The following MAVS variants were observed in gnomAD, a reference collection of about 807,000 sequenced individuals.
MAVS encodes mitochondrial antiviral-signaling protein.
Under a neutral mutation model 30.2 loss-of-function variants are expected in MAVS, and 20 were observed. The ratio of observed to expected loss-of-function variants is 0.66; its 90% CI spans 0.47 to 0.96. The LOEUF (loss-of-function observed/expected upper bound fraction) is 0.96. Among genes scored for constraint, MAVS ranks in the 40% least tolerant of loss-of-function variants. MAVS has a pLI of 0.00. For missense variants in MAVS, 624 were observed against 701.1 expected (o/e 0.89, Z 1.24); for synonymous variants, 278 against 293.9 (o/e 0.95, Z 0.55).
chr20:3,848,621 G>C (rs1032069200), intron 1 of MAVS, among the ~76,000 whole-genome samples: 8 of 152,164 alleles, frequency 5.3e-5, no homozygotes, highest in Non-Finnish European at 1.0e-4. Context: ...TGGCCCAACA[G>C]CTTTTAGGTG....
chr20:3,850,861 T>G (rs1326551627), intron 1 of MAVS, among the ~76,000 whole-genome samples: 1 of 143,650 alleles, frequency 7.0e-6, no homozygotes, highest in Non-Finnish European at 1.5e-5. Context: ...ACTCCAGCTT[T>G]GGTGACAGAG....
chr20:3,865,617 ACCGCC>A lies in MAVS; in HGVS notation c.1159-64_1159-60del. 1 of 1,428,350 alleles carries A rather than the reference ACCGCC, an allele frequency of 7.0e-7. No individual in the cohort carries two copies. The highest frequency in any genetic ancestry group is 9.4e-7 in the Non-Finnish European group (1 of 1,063,058). The allele number at this position is 1,428,350 out of a possible 1,614,324, so 88.5% of individuals were successfully genotyped here. A position where few individuals can be genotyped will look rare whatever the true frequency, so the allele number is the denominator to read the frequency against. On this transcript the variant is annotated intron_variant, in intron 6 of 6. Transcript: ENST00000428216. The surrounding 1 kb of genome is among the most constrained non-coding windows in gnomAD (Gnocchi z 4.7). ...GTTCATGCCCTGGCCTGGGAATGGG[ACCGCC>A]CTACCAGGTTCGTCTCCCTGCCAAC...
chr20:3,848,986 C>T (rs987888549), intron 1 of MAVS, among the ~76,000 whole-genome samples: 1 of 152,176 alleles, frequency 6.6e-6, no homozygotes, highest in African/African-American at 2.4e-5. Flanking sequence ...GGCCTCCTTA[C>T]TGGTCTCCCA....
intron 5 of MAVS, 33 bp from the exon 6 acceptor site, chr20:3,864,223 T>A (rs1168188216): frequency 6.3e-7 from 1 of 1,576,206 alleles, no homozygotes; most frequent in Admixed American, 1.8e-5. Context: ...GGTCTTTGGG[T>A]CTGTGTTTCC....
At position 3,875,857 on chromosome 20, in the gene MAVS, T is replaced by A. The variant is rs867335; in HGVS notation, c.*9710T>A. 10,334 of 152,476 alleles carry A rather than the reference T, an allele frequency of 0.068. 524 individuals carry two copies. Among genetic ancestry groups the A allele is most frequent in the East Asian group, 0.22 (1,182 of 5,320 alleles). 9.4% of individuals were successfully genotyped at this position (152,476 alleles called of 1,614,324 possible). On this transcript the variant is annotated 3_prime_UTR_variant, in exon 7 of 7. Transcript: ENST00000428216. Reference sequence around the variant, plus strand: ...TCCCACACCATCTGAATCACTGATTTCCTCGCAATCAGACGCTATCTTCCA... The same window carrying A: ...TCCCACACCATCTGAATCACTGATTACCTCGCAATCAGACGCTATCTTCCA...
rs1027030189 is a variant in MAVS at position 3,866,946 on chromosome 20, T to C, written c.*799T>C. ...CCTCACTTCCGGGGCTGTGTGGCTT[T>C]GGCAGATGTCAGACTTCTGGTCTTG... On this transcript the variant is annotated 3_prime_UTR_variant, in exon 7 of 7. Transcript: ENST00000428216. The C allele has an allele frequency of 8.8e-6, 4 of 456,808 alleles. No homozygotes were observed. Among genetic ancestry groups the C allele is most frequent in the South Asian group, 4.6e-5 (3 of 64,582 alleles). The allele number at this position is 456,808 out of a possible 1,614,324, so 28.3% of individuals were successfully genotyped here.
chr20:3,864,516 T>C lies in MAVS; in HGVS notation c.886T>C (p.Ser296Pro). Residue 296 changes from serine (S) to proline (P), a missense_variant, in exon 6 of 7, where the codon TCC becomes CCC. Physicochemically the swap from Ser to Pro is moderately conservative, Grantham distance 74 (BLOSUM62 -1). Coordinates refer to ENST00000428216, the MANE Select transcript of MAVS (RefSeq NM_020746.5). Reference sequence around the variant, plus strand: ...AGAGGCACCTGCCAACTCTCTGCCCTCCAAAGTGCCTACCACCTTGATGCC... The same window carrying C: ...AGAGGCACCTGCCAACTCTCTGCCCCCCAAAGTGCCTACCACCTTGATGCC... ...GAEAPANSLP[S>P]KVPTTLMPVN... 3 of 1,614,090 alleles carry C rather than the reference T, an allele frequency of 1.9e-6. No individual in the cohort carries two copies. Among genetic ancestry groups the C allele is most frequent in the Non-Finnish European group, 2.5e-6 (3 of 1,180,022 alleles).
At position 3,870,624 on chromosome 20, in the gene MAVS, AC is replaced by A. The variant is rs2089946710; in HGVS notation, c.*4480del. 1 of 121,054 alleles carries A rather than the reference AC, an allele frequency of 8.3e-6. No individual in the cohort carries two copies. The highest frequency in any genetic ancestry group is 1.7e-5 in the Non-Finnish European group (1 of 59,726). 7.5% of individuals were successfully genotyped at this position (121,054 alleles called of 1,614,324 possible). On this transcript the variant is annotated 3_prime_UTR_variant, in exon 7 of 7. Transcript: ENST00000428216. ...AGACAAGCCTGGGCAACAAAGCAAG[AC>A]CCTATCTCTAAAAAAAAAAAAAAAA...
chr20:3,857,896 T>TTC lies in MAVS; in HGVS notation c.292+91_292+92dup, dbSNP rs775673112. On this transcript the variant is annotated intron_variant, in intron 3 of 6. Coordinates refer to ENST00000428216, the MANE Select transcript of MAVS (RefSeq NM_020746.5). ...TTCTCTCTCCCTGTACTTCCTGCCTTTCTCTGTCATCCTCTTTCTTGTCAC... is the reference window on the plus strand; with the variant it reads ...TTCTCTCTCCCTGTACTTCCTGCCTTTCTCTCTGTCATCCTCTTTCTTGTCAC... 2.5e-5 allele frequency: 35 copies of TTC among 1,403,186 alleles called. No individual in the cohort carries two copies. In the African/African-American group the frequency reaches 4.4e-4, roughly 18 times the overall value. The allele number at this position is 1,403,186 out of a possible 1,614,324, so 86.9% of individuals were successfully genotyped here. A position where few individuals can be genotyped will look rare whatever the true frequency, so the allele number is the denominator to read the frequency against.
chr20:3,847,085 C>G (rs1172128539), intron 1 of MAVS, among the ~76,000 whole-genome samples, 182 bp downstream of exon 1: 1 of 152,198 alleles, frequency 6.6e-6, no homozygotes, highest in Non-Finnish European at 1.5e-5. Flanking sequence ...GCAAGAGTTT[C>G]GGGAACACTG....
chr20:3,862,438 G>T (rs1289877050), intron 5 of MAVS, 25 bp downstream of exon 5: 12 of 1,600,578 alleles, frequency 7.5e-6, no homozygotes, highest in Non-Finnish European at 1.0e-5. Flanking sequence ...TGGAATTATA[G>T]GGTCCTTCTG....
At position 3,868,733 on chromosome 20, in the gene MAVS, T is replaced by G. The variant is rs1214698606; in HGVS notation, c.*2586T>G. The G allele has an allele frequency of 6.6e-6, 1 of 151,552 alleles. No homozygotes were observed. The highest frequency in any genetic ancestry group is 1.5e-5 in the Non-Finnish European group (1 of 67,964). The allele number at this position is 151,552 out of a possible 1,614,324, so 9.4% of individuals were successfully genotyped here. On this transcript the variant is annotated 3_prime_UTR_variant, in exon 7 of 7. Coordinates refer to ENST00000428216, the MANE Select transcript of MAVS (RefSeq NM_020746.5). Reference sequence around the variant, plus strand: ...CTAGGTAAAAAATACAAAAAGTAACTGGGCATGGCGGCGCCCATCTATAGT... The same window carrying G: ...CTAGGTAAAAAATACAAAAAGTAACGGGGCATGGCGGCGCCCATCTATAGT...
In MAVS at chr20:3,865,579, G is replaced by A; in HGVS notation, c.1159-104G>A. On this transcript the variant is annotated intron_variant, in intron 6 of 6. Coordinates refer to ENST00000428216, the MANE Select transcript of MAVS (RefSeq NM_020746.5). The surrounding 1 kb of genome is among the most constrained non-coding windows in gnomAD (Gnocchi z 4.7). The stretch of plus-strand genomic sequence containing the variant: ...GGGCATTATAGATTGGGAATTGAGG[G>A]GTTGGAGTGTTAGTTCATGCCCTGG... The A allele has an allele frequency of 9.4e-7, 1 of 1,058,548 alleles. No individual in the cohort carries two copies. The highest frequency in any genetic ancestry group is 1.3e-6 in the Non-Finnish European group (1 of 743,198). The allele number at this position is 1,058,548 out of a possible 1,614,324, so 65.6% of individuals were successfully genotyped here.
intron 1 of MAVS, among the ~76,000 whole-genome samples, chr20:3,853,485 C>CA (rs113226800): frequency 0.31 from 39,483 of 127,706 alleles, 5,854 homozygotes; most frequent in East Asian, 0.52. Context: ...GACTCCGTCT[C>CA]AAAAAAAAAA....
In MAVS at chr20:3,865,575, G is replaced by A. The variant is rs1600454923; in HGVS notation, c.1159-108G>A. 1 of 1,027,140 alleles carries A rather than the reference G, an allele frequency of 9.7e-7. No individual in the cohort carries two copies. The highest frequency in any genetic ancestry group is 2.6e-5 in the East Asian group (1 of 38,234). 63.6% of individuals were successfully genotyped at this position (1,027,140 alleles called of 1,614,324 possible). A position where few individuals can be genotyped will look rare whatever the true frequency, so the allele number is the denominator to read the frequency against. ...CTAGGGGCATTATAGATTGGGAATT[G>A]AGGGGTTGGAGTGTTAGTTCATGCC... is the stretch of plus-strand genomic sequence containing the variant. On this transcript the variant is annotated intron_variant, in intron 6 of 6. Coordinates refer to ENST00000428216, the MANE Select transcript of MAVS (RefSeq NM_020746.5). This position sits in a 1 kb window ranked among gnomAD's most constrained non-coding sequence, Gnocchi z 4.7.
rs1030240935 is a variant in MAVS, at chr20:3,869,061, A to G, written c.*2914A>G. On this transcript the variant is annotated 3_prime_UTR_variant, in exon 7 of 7. Coordinates refer to ENST00000428216, the MANE Select transcript of MAVS (RefSeq NM_020746.5). Reference sequence around the variant, plus strand: ...ACCCAGCCTGGAGCGAAGTGGTGCAATCATAACTCACTGTATCCTTAAACT... The same window carrying G: ...ACCCAGCCTGGAGCGAAGTGGTGCAGTCATAACTCACTGTATCCTTAAACT... 6.6e-6 allele frequency: 1 copy of G among 152,192 alleles called. No homozygotes were observed. The highest frequency in any genetic ancestry group is 2.1e-4 in the South Asian group (1 of 4,818). The allele number at this position is 152,192 out of a possible 1,614,324, so 9.4% of individuals were successfully genotyped here.
At chr20:3,852,705 A>AT (rs2089771656) in intron 1 of MAVS, among the ~76,000 whole-genome samples, 1 of 151,402 alleles carries the variant, frequency 6.6e-6, no homozygotes. Flanking sequence ...TTTTATTTTT[A>AT]TTTTTTTAGA....
Position 3,868,350 on chromosome 20 carries a change from A to G in MAVS, c.*2203A>G, listed in dbSNP as rs894553307. The G allele has an allele frequency of 2.6e-5, 4 of 152,312 alleles. No homozygotes were observed. Among genetic ancestry groups the G allele is most frequent in the African/African-American group, 9.7e-5 (4 of 41,424 alleles). The allele number at this position is 152,312 out of a possible 1,614,324, so 9.4% of individuals were successfully genotyped here. On this transcript the variant is annotated 3_prime_UTR_variant, in exon 7 of 7. Coordinates refer to ENST00000428216, the MANE Select transcript of MAVS (RefSeq NM_020746.5). ...GAAAAAAGTATCTCAAAAAGGCAAC[A>G]TGGGCCGAGCGCAGTGGCTCACGCC...
chr20:3,854,910 G>A (rs1340880112), intron 2 of MAVS, among the ~76,000 whole-genome samples, 169 bp downstream of exon 2: 2 of 29,714 alleles, frequency 6.7e-5, no homozygotes, highest in South Asian at 2.1e-3. Context: ...TTTTTTTTTT[G>A]AGATTGAGTC....
Sources: gnomAD v4.1 joint callset for allele counts (sites outside exome capture counted in the v4.1 genomes callset) on GRCh38, gnomAD v4.1.1 for gene constraint, Gnocchi (gnomAD v3.1) non-coding constraint, MANE v1.5 for transcripts, NCBI Gene and HGNC (gene_info 2026-07-23, HGNC 2026-07-21) for gene names.